Variants in RNF212B observed in about 807,000 individuals in gnomAD.
RNF212B encodes the protein E3 ubiquitin-protein ligase RNF212B.
Under a neutral mutation model 55.5 loss-of-function variants are expected in RNF212B, and 52 were observed. That is an observed-to-expected ratio of 0.94 (90% CI 0.75 to 1.18). The LOEUF (loss-of-function observed/expected upper bound fraction) is 1.18. Among genes scored for constraint, RNF212B ranks in the 50% most tolerant of loss-of-function variants. The probability of loss-of-function intolerance (pLI) is 0.00; values close to 1 mark genes in which losing one functional copy is unlikely to be tolerated. For missense variants in RNF212B, 289 were observed against 350.4 expected, an observed-to-expected ratio of 0.82 and a Z score of 1.40; for synonymous variants, 99 against 121.4, an observed-to-expected ratio of 0.82 and a Z score of 1.21.
intron 14 of RNF212B, among the ~76,000 whole-genome samples, chr14:23,271,375 G>A (rs146877848): frequency 0.15 from 22,076 of 151,624 alleles, 1,815 homozygotes; most frequent in Non-Finnish European, 0.18. Context: ...CCCAGGAGGC[G>A]GAGCTTGCAG....
chr14:23,186,345 C>CT (rs1317938697), intron 1 of RNF212B, among the ~76,000 whole-genome samples: 2 of 51,506 alleles, frequency 3.9e-5, no homozygotes, highest in East Asian at 1.6e-3. Context: ...AAATTTTGAG[C>CT]ATTTTTTTTT....
chr14:23,211,411 TG>T, intron 2 of RNF212B, among the ~76,000 whole-genome samples: 1 of 152,288 alleles, frequency 6.6e-6, no homozygotes, highest in South Asian at 2.1e-4. Context: ...ATGGCTTCAC[TG>T]GTAAGTTCTA....
chr14:23,187,335 G>A (rs1242597013), intron 1 of RNF212B, among the ~76,000 whole-genome samples: 1 of 152,092 alleles, frequency 6.6e-6, no homozygotes, highest in Admixed American at 6.5e-5. Flanking sequence ...ACGCAGTCAT[G>A]TTCTAATATT....
intron 2 of RNF212B, among the ~76,000 whole-genome samples, chr14:23,197,864 A>T (rs1878881993): frequency 6.7e-6 from 1 of 149,672 alleles, no homozygotes; most frequent in South Asian, 2.1e-4. Context: ...GCGAAGGGAG[A>T]TAGGGGTGGG....
chr14:23,235,206 T>C (rs959194331), upstream of RNF212B, among the ~76,000 whole-genome samples: 5 of 118,294 alleles, frequency 4.2e-5, no homozygotes, highest in African/African-American at 1.1e-4. Context: ...AGCAATACTC[T>C]GTCTCAGGAA....
chr14:23,196,984 T>A (rs1049003958), intron 2 of RNF212B, among the ~76,000 whole-genome samples: 8 of 152,124 alleles, frequency 5.3e-5, no homozygotes, highest in Admixed American at 5.2e-4. Context: ...ACTCCATGAG[T>A]GCAGGGACAA....
At chr14:23,220,654 T>C (rs748072703) in intron 2 of RNF212B, among the ~76,000 whole-genome samples, 1 of 151,856 alleles carries the variant, frequency 6.6e-6, no homozygotes, top group Non-Finnish European at 1.5e-5. Context: ...TGAAATCCCA[T>C]CTTTACTAAA....
At chr14:23,248,871 T>C (rs1884201548) in intron 4 of RNF212B, among the ~76,000 whole-genome samples, 1 of 152,206 alleles carries the variant, frequency 6.6e-6, no homozygotes, top group South Asian at 2.1e-4. Flanking sequence ...TGAATTTTTG[T>C]GGGACACAAA....
chr14:23,272,622 C>T (rs561494945), intron 14 of RNF212B: 1 of 592,034 alleles, frequency 1.7e-6, no homozygotes, highest in African/African-American at 1.9e-5. Flanking sequence ...CCATAAGCTA[C>T]TGAAATGTTC....
rs537017775 is a variant in RNF212B, at chr14:23,190,706, C to T, written c.-78-2619C>T. On this transcript the variant is annotated intron_variant, in intron 1 of 15. Coordinates refer to the RNF212B transcript ENST00000399910. ...TACAAATGTTCCCCTACACTTTATT[C>T]TCTACACGGCAGCCAGAATGATCCT... Among the ~76,000 whole-genome samples, 175 of 152,294 alleles carry T rather than the reference C, an allele frequency of 1.1e-3. No homozygotes were observed. The Middle Eastern group carries it at 0.024, about 21-fold the overall frequency.
At chr14:23,212,206 C>T (rs1032030457) in intron 2 of RNF212B, among the ~76,000 whole-genome samples, 3 of 152,100 alleles carry the variant, frequency 2.0e-5, no homozygotes, top group Non-Finnish European at 2.9e-5. Flanking sequence ...ATGCTTTTTC[C>T]CTATGATCAA....
intron 4 of RNF212B, among the ~76,000 whole-genome samples, chr14:23,257,803 C>T (rs563104975): frequency 8.3e-4 from 126 of 152,240 alleles, no homozygotes; most frequent in African/African-American, 2.5e-3. Context: ...TGCCTCTCCA[C>T]CCTTTCCTAT....
At chr14:23,189,449 T>A (rs1877905218) in intron 1 of RNF212B, among the ~76,000 whole-genome samples, 1 of 152,036 alleles carries the variant, frequency 6.6e-6, no homozygotes, top group Non-Finnish European at 1.5e-5. Flanking sequence ...CATCATCAGT[T>A]TTTCACTGTC....
At chr14:23,230,546 C>A (rs374607127) in intron 2 of RNF212B, among the ~76,000 whole-genome samples, 1 of 148,246 alleles carries the variant, frequency 6.7e-6, no homozygotes, top group Non-Finnish European at 1.5e-5. Flanking sequence ...CCCAGCTACT[C>A]GGGAAGCTGA....
rs1885545334 is a variant in RNF212B at position 23,264,658 on chromosome 14, A to G, written c.621A>G (p.Arg207=). Residue 207 remains arginine, a synonymous_variant, in exon 11 of 15, where the codon AGA becomes AGG. Coordinates refer to ENST00000430154, the MANE Select transcript of RNF212B (RefSeq NM_001282322.3). ...GRGLQGRRTP[R]DSYNETPSPA... ...GTCTGCAGGGAAGGAGAACTCCCAG[A>G]GACTCTTATAATGGTGAGGTGGGGG... 1.5e-6 allele frequency: 2 copies of G among 1,330,436 alleles called. No homozygotes were observed. The highest frequency in any genetic ancestry group is 2.5e-5 in the South Asian group (1 of 40,256). The allele number at this position is 1,330,436 out of a possible 1,614,324, so 82.4% of individuals were successfully genotyped here. A position where few individuals can be genotyped will look rare whatever the true frequency, so the allele number is the denominator to read the frequency against.
intron 2 of RNF212B, among the ~76,000 whole-genome samples, chr14:23,195,555 G>A (rs1290309594): frequency 2.0e-5 from 3 of 152,024 alleles, no homozygotes; most frequent in Non-Finnish European, 4.4e-5. Context: ...ATTCAATTTA[G>A]TGCTAATTCT....
chr14:23,235,441 C>G (rs996318597), upstream of RNF212B, among the ~76,000 whole-genome samples: 7 of 152,164 alleles, frequency 4.6e-5, no homozygotes, highest in Non-Finnish European at 1.0e-4. Flanking sequence ...ACTGTTTTTA[C>G]TTGAAAGAAC....
chr14:23,239,232 T>C (rs764247947), intron 1 of RNF212B, among the ~76,000 whole-genome samples: 7 of 152,120 alleles, frequency 4.6e-5, no homozygotes, highest in Non-Finnish European at 7.3e-5. Flanking sequence ...TAATTTTCTT[T>C]TATTTTTAGT....
rs749551965 is a variant in RNF212B at position 23,225,051 on chromosome 14, C to G, written c.-1-15294C>G. On this transcript the variant is annotated intron_variant, in intron 2 of 15. Transcript: ENST00000399910. ...AAATGCAAATTGAAACTACAGTGAT[C>G]AGATTAAGACACCTTGATGCCACCC... Among the ~76,000 whole-genome samples the G allele has an allele frequency of 2.0e-4, 31 of 151,560 alleles. 1 individual carries two copies. Among genetic ancestry groups the G allele is most frequent in the Middle Eastern group, 6.8e-3 (2 of 294 alleles).
Sources: gnomAD v4.1 joint callset for allele counts (sites outside exome capture counted in the v4.1 genomes callset) on GRCh38, gnomAD v4.1.1 for gene constraint, MANE v1.5 for transcripts, NCBI Gene and HGNC (gene_info 2026-07-23, HGNC 2026-07-21) for gene names.